The following TNRC18 variants were observed in gnomAD, a reference collection of about 807,000 sequenced individuals.
TNRC18 encodes trinucleotide repeat-containing gene 18 protein.
TNRC18 carries 69 observed loss-of-function variants against 226.7 expected under a neutral mutation model. The observed-to-expected ratio is 0.30, with a 90% CI of 0.25 to 0.37. The LOEUF (loss-of-function observed/expected upper bound fraction) is 0.37. Among genes scored for constraint, TNRC18 ranks in the 10% least tolerant of loss-of-function variants. TNRC18 has a pLI of 1.00. For synonymous variants in TNRC18, 2,449 were observed against 1,927.6 expected (o/e 1.27, Z -7.09); for missense variants, 4,754 against 4,256.6 (o/e 1.12, Z -3.25).
chr7:5,309,609 C>T lies in TNRC18; in HGVS notation c.8389-241G>A. ...ATCTAAGCATTCTGCCGCTACAAGA[C>T]TTCTTATTTTTGAGACAGGGTCTCC... is the stretch of plus-strand genomic sequence containing the variant. On this transcript the variant is annotated intron_variant, in intron 27 of 29. Coordinates refer to ENST00000430969, the MANE Select transcript of TNRC18 (RefSeq NM_001080495.3). This position sits in a 1 kb window ranked among gnomAD's most constrained non-coding sequence, Gnocchi z 5.7. Among the ~76,000 whole-genome samples, 1 of 152,266 alleles carries T rather than the reference C, an allele frequency of 6.6e-6. No individual in the cohort carries two copies. The highest frequency in any genetic ancestry group is 1.9e-4 in the East Asian group (1 of 5,198).
In TNRC18 at chr7:5,333,064, A is replaced by G; in HGVS notation, c.5720-15T>C. ...GAACTCTGTGCCTGAACGCGGGAGG[A>G]GGGCGTGCTGGTCACAGCCTCGTGG... On this transcript the variant is annotated splice_polypyrimidine_tract_variant and intron_variant, in intron 18 of 29. Coordinates refer to ENST00000430969, the MANE Select transcript of TNRC18 (RefSeq NM_001080495.3). The G allele has an allele frequency of 6.4e-7, 1 of 1,562,856 alleles. No individual in the cohort carries two copies. The highest frequency in any genetic ancestry group is 2.3e-5 in the East Asian group (1 of 42,972).
chr7:5,324,374 C>T lies in TNRC18; in HGVS notation c.6301-19G>A, dbSNP rs752481895. The T allele has an allele frequency of 7.4e-6, 12 of 1,612,098 alleles. No homozygotes were observed. Among genetic ancestry groups the T allele is most frequent in the Middle Eastern group, 1.7e-4 (1 of 5,882 alleles). ...CGCGGTTCTGGGGACAGAACATGGCCGACAAATGACTTAGGACCTGAACAG... is the reference window on the plus strand; with the variant it reads ...CGCGGTTCTGGGGACAGAACATGGCTGACAAATGACTTAGGACCTGAACAG... On this transcript the variant is annotated intron_variant, in intron 20 of 29. Transcript: ENST00000430969. This position sits in a 1 kb window ranked among gnomAD's most constrained non-coding sequence, Gnocchi z 4.8.
chr7:5,361,559 T>G (rs769956178), intron 14 of TNRC18, 35 bp downstream of exon 14: 23 of 1,463,360 alleles, frequency 1.6e-5, no homozygotes, highest in Non-Finnish European at 1.9e-5. Flanking sequence ...TCAAGCTGTG[T>G]GCCAGTCCCC....
chr7:5,359,330 A>G, intron 15 of TNRC18, 68 bp downstream of exon 15: 1 of 1,544,294 alleles, frequency 6.5e-7, no homozygotes, highest in South Asian at 1.1e-5. Context: ...AGGGAGCGTG[A>G]ACTCTTAACA....
chr7:5,309,112 C>T lies in TNRC18; in HGVS notation c.8625+20G>A, dbSNP rs369947108. ...CTACACCGCCTAGGACTGGGGGCCGCAGCCGGGCCGCAGGCTCACCTGGCC... is the reference window on the plus strand; with the variant it reads ...CTACACCGCCTAGGACTGGGGGCCGTAGCCGGGCCGCAGGCTCACCTGGCC... On this transcript the variant is annotated intron_variant, in intron 28 of 29. Transcript: ENST00000430969. The surrounding 1 kb of genome is among the most constrained non-coding windows in gnomAD (Gnocchi z 5.7). 5.0e-6 allele frequency: 8 copies of T among 1,585,408 alleles called. No individual in the cohort carries two copies. Among genetic ancestry groups the T allele is most frequent in the Non-Finnish European group, 6.0e-6 (7 of 1,166,544 alleles).
intron 16 of TNRC18, among the ~76,000 whole-genome samples, chr7:5,356,118 C>A (rs1432455409): frequency 2.7e-4 from 40 of 150,540 alleles, no homozygotes; most frequent in Admixed American, 2.1e-3. Flanking sequence ...GAGCCAAGAT[C>A]GCACCACTGC....
chr7:5,345,528 C>CCCCCCCCCCCCCCCCA, intron 18 of TNRC18, 34 bp downstream of exon 18: 2 of 534,160 alleles, frequency 3.7e-6, no homozygotes, highest in Non-Finnish European at 5.4e-6. Flanking sequence ...CCCCTCCCAC[C>CCCCCCCCCCCCCCCCA]CACCCCCACC....
chr7:5,414,649 T>G (rs1002796732), intron 2 of TNRC18, among the ~76,000 whole-genome samples: 7 of 152,110 alleles, frequency 4.6e-5, no homozygotes, highest in Admixed American at 1.3e-4. Flanking sequence ...CCTGACCTCG[T>G]GATCCACCCG....
Position 5,374,321 on chromosome 7 carries a change from T to C in TNRC18, c.2963A>G (p.Lys988Arg). The C allele has an allele frequency of 7.0e-7, 1 of 1,428,096 alleles. No homozygotes were observed. Among genetic ancestry groups the C allele is most frequent in the Non-Finnish European group, 9.1e-7 (1 of 1,098,354 alleles). The allele number at this position is 1,428,096 out of a possible 1,614,324, so 88.5% of individuals were successfully genotyped here. ...GGGTGATGGTGGCGGGCTCACGGCC[T>C]TGCCGTAGGTGCCCGCGGGGCCGGC... Reference protein sequence around the residue: ...LAAGPAGTYGKAVSPPPSPRA... With the variant: ...LAAGPAGTYGRAVSPPPSPRA... The change falls in exon 10 of 30, where the codon AAG (lysine) becomes AGG (arginine). Residue 988 changes from lysine to arginine, a missense_variant. Physicochemically the swap from Lys to Arg is conservative, Grantham distance 26. Transcript: ENST00000430969.
rs192980118 is a variant in TNRC18, at chr7:5,379,114, T to A, written c.2153-1090A>T. On this transcript the variant is annotated intron_variant, in intron 5 of 29. Coordinates refer to ENST00000430969, the MANE Select transcript of TNRC18 (RefSeq NM_001080495.3). ...CAGGAGGCTGAGGCAGGAGAATCAT[T>A]TGAACTCAGGAGGCAGAGGTTGCAG... Among the ~76,000 whole-genome samples, 327 of 151,880 alleles carry A rather than the reference T, an allele frequency of 2.2e-3. 1 individual carries two copies. Among genetic ancestry groups the A allele is most frequent in the African/African-American group, 7.6e-3 (313 of 41,400 alleles).
rs7794563 is a variant in TNRC18, at chr7:5,307,664, A to G, written c.*442T>C. ...GGTGGGAGGCCTTGGGGTGGGCTCC[A>G]TGCTAAGGGTGCTTGGGAAGCCCAG... On this transcript the variant is annotated 3_prime_UTR_variant, in exon 30 of 30. Coordinates refer to ENST00000430969, the MANE Select transcript of TNRC18 (RefSeq NM_001080495.3). 0.9 allele frequency: 333,429 copies of G among 371,836 alleles called. 149,857 individuals are homozygous for G. The highest frequency in any genetic ancestry group is 0.98 in the African/African-American group (46,313 of 47,462). The allele number at this position is 371,836 out of a possible 1,614,324, so 23.0% of individuals were successfully genotyped here. A position where few individuals can be genotyped will look rare whatever the true frequency, so the allele number is the denominator to read the frequency against.
intron 2 of TNRC18, among the ~76,000 whole-genome samples, chr7:5,418,828 G>A (rs910373979): frequency 6.6e-6 from 1 of 152,212 alleles, no homozygotes; most frequent in African/African-American, 2.4e-5. Flanking sequence ...CCCAAGCAGA[G>A]AGTGAATGGG....
chr7:5,314,563 CTT>C (rs67183154), intron 26 of TNRC18, among the ~76,000 whole-genome samples: 1,241 of 79,522 alleles, frequency 0.016, 3 homozygotes, highest in African/African-American at 0.037. Context: ...GAGTTCTCTT[CTT>C]TTTTTTTTTT....
intron 17 of TNRC18, among the ~76,000 whole-genome samples, chr7:5,349,278 G>A (rs989939320): frequency 5.3e-5 from 8 of 152,210 alleles, no homozygotes; most frequent in African/African-American, 7.2e-5. Flanking sequence ...GCAGGCTGGG[G>A]AGCAGAGGGG....
In TNRC18 at chr7:5,388,625, C is replaced by T; in HGVS notation, c.1199G>A (p.Arg400His). 7.8e-7 allele frequency: 1 copy of T among 1,279,748 alleles called. No homozygotes were observed. Among genetic ancestry groups the T allele is most frequent in the Non-Finnish European group, 9.9e-7 (1 of 1,012,168 alleles). 79.3% of individuals were successfully genotyped at this position (1,279,748 alleles called of 1,614,324 possible). The change falls in exon 5 of 30, where the codon CGC (arginine) becomes CAC (histidine). Residue 400 changes from arginine (R) to histidine (H), a missense_variant. Arg to His is a conservative substitution (Grantham distance 29). Coordinates refer to ENST00000430969, the MANE Select transcript of TNRC18 (RefSeq NM_001080495.3). ...IASQARDARAREREAGRPGVL... is the reference protein window; with the variant it reads ...IASQARDARAHEREAGRPGVL... The stretch of plus-strand genomic sequence containing the variant: ...CCCTGGCCTGCCAGCCTCGCGCTCG[C>T]GGGCCCGGGCATCGCGCGCCTGGGA...
At chr7:5,360,636 T>G (rs1792937121) in intron 14 of TNRC18, among the ~76,000 whole-genome samples, 2 of 151,976 alleles carry the variant, frequency 1.3e-5, no homozygotes, top group South Asian at 2.1e-4. Context: ...AACAGGAAAT[T>G]TAACCAGTGC....
intron 2 of TNRC18, among the ~76,000 whole-genome samples, chr7:5,412,583 T>G (rs1296423041): frequency 7.1e-6 from 1 of 141,284 alleles, no homozygotes; most frequent in Non-Finnish European, 1.5e-5. Flanking sequence ...CTCAAAAAAA[T>G]AAAATAAAAT....
At chr7:5,386,628 C>T (rs1254176706) in intron 5 of TNRC18, among the ~76,000 whole-genome samples, 2 of 151,076 alleles carry the variant, frequency 1.3e-5, no homozygotes, top group South Asian at 2.1e-4. Flanking sequence ...CGCATACCTG[C>T]GGTCCCAGCT....
chr7:5,345,517 G>GGGGGGGGGGGCCCCCCCCCCCC, intron 18 of TNRC18, 45 bp downstream of exon 18: 4 of 377,728 alleles, frequency 1.1e-5, no homozygotes, highest in Admixed American at 4.8e-5. Context: ...AATGGCGTCC[G>GGGGGGGGGGGCCCCCCCCCCCC]CCCCTCCCAC....
Sources: gnomAD v4.1 joint callset for allele counts (sites outside exome capture counted in the v4.1 genomes callset) on GRCh38, gnomAD v4.1.1 for gene constraint, Gnocchi (gnomAD v3.1) non-coding constraint, MANE v1.5 for transcripts, NCBI Gene and HGNC (gene_info 2026-07-23, HGNC 2026-07-21) for gene names.